ATF7IP2: variants seen among roughly 807,000 people sequenced by gnomAD.
The protein encoded by ATF7IP2 is activating transcription factor 7 interacting protein 2.
In ATF7IP2, 42 loss-of-function variants were observed where a neutral mutation model predicts 64.2. The ratio of observed to expected loss-of-function variants is 0.65; its 90% CI spans 0.51 to 0.85. The LOEUF is 0.85. Among genes scored for constraint, ATF7IP2 ranks in the 40% least tolerant of loss-of-function variants. ATF7IP2 has a pLI of 0.00. For synonymous variants in ATF7IP2, 308 were observed against 272.8 expected (o/e 1.13, Z -1.27); for missense variants, 933 against 784.2 (o/e 1.19, Z -2.27).
intron 3 of ATF7IP2, among the ~76,000 whole-genome samples, chr16:10,424,370 C>A (rs1002253798): frequency 1.3e-5 from 2 of 152,138 alleles, no homozygotes; most frequent in African/African-American, 2.4e-5. Flanking sequence ...CAAAACTTAA[C>A]TGAAAATGGA....
intron 1 of ATF7IP2, among the ~76,000 whole-genome samples, chr16:10,394,146 G>A (rs934946062): frequency 1.3e-5 from 2 of 152,182 alleles, no homozygotes; most frequent in Non-Finnish European, 2.9e-5. Flanking sequence ...CTGTTTACAG[G>A]AGACAGACTT....
At chr16:10,435,245 G>A (rs1048896687) in intron 6 of ATF7IP2, among the ~76,000 whole-genome samples, 1 of 152,168 alleles carries the variant, frequency 6.6e-6, no homozygotes, top group Non-Finnish European at 1.5e-5. Flanking sequence ...AAGGAGTCCT[G>A]CAGTGATCAT....
chr16:10,466,497 A>G (rs969094909), intron 9 of ATF7IP2, among the ~76,000 whole-genome samples: 6 of 152,078 alleles, frequency 3.9e-5, no homozygotes, highest in Non-Finnish European at 7.4e-5. Flanking sequence ...CTATAAGTAC[A>G]TGAGATTTTT....
intron 6 of ATF7IP2, among the ~76,000 whole-genome samples, chr16:10,434,940 T>A (rs978806164): frequency 1.3e-5 from 2 of 152,158 alleles, no homozygotes; most frequent in Non-Finnish European, 1.5e-5. Context: ...TAACTTTTTG[T>A]GTGTATTTTT....
In ATF7IP2 at chr16:10,482,445, A is replaced by ATAAG. The variant is rs1555455305; in HGVS notation, c.*198_*201dup. ...TGTATTAAATATGTCCTTCCAATGGATAAGTTCTAAAACATACGCTATCAT... is the reference window on the plus strand; with the variant it reads ...TGTATTAAATATGTCCTTCCAATGGATAAGTAAGTTCTAAAACATACGCTATCAT... On this transcript the variant is annotated 3_prime_UTR_variant, in exon 14 of 14. Coordinates refer to ENST00000562102, the MANE Select transcript of ATF7IP2 (RefSeq NM_001393719.1). 6.1e-6 allele frequency: 3 copies of ATAAG among 489,522 alleles called. No homozygotes were observed. The Admixed American group carries it at 1.2e-4, about 19-fold the overall frequency. The allele number at this position is 489,522 out of a possible 1,614,324, so 30.3% of individuals were successfully genotyped here.
At chr16:10,420,772 A>G (rs559428626) in intron 3 of ATF7IP2, among the ~76,000 whole-genome samples, 83 of 152,366 alleles carry the variant, frequency 5.4e-4, no homozygotes, top group Non-Finnish European at 9.6e-4. Flanking sequence ...AGAATCAGAA[A>G]TCACATTAAT....
chr16:10,448,157 C>T (rs1167540671), intron 8 of ATF7IP2: 1 of 152,188 alleles, frequency 6.6e-6, no homozygotes, highest in Non-Finnish European at 1.5e-5. Context: ...CAGTACCATG[C>T]TGTTTTGGTT....
chr16:10,404,209 A>G (rs1174983351), intron 1 of ATF7IP2, among the ~76,000 whole-genome samples: 1 of 152,200 alleles, frequency 6.6e-6, no homozygotes, highest in African/African-American at 2.4e-5. Flanking sequence ...AATCACCTAT[A>G]AAAGAAACTT....
At position 10,440,380 on chromosome 16, in the gene ATF7IP2, T is replaced by C; in HGVS notation, c.1112T>C (p.Leu371Pro). ...TTCTTCTAGGCAAAAATAGCAAAAC[T>C]TCAAAGACGTATTAAAACAGTATTA... ...ADKLLAKIAK[L>P]QRRIKTVLLF... The change falls in exon 8 of 14, where the codon CTT (leucine) becomes CCT (proline). Residue 371 changes from leucine to proline, a missense_variant. Leu to Pro is a moderately conservative substitution (Grantham distance 98). Coordinates refer to ENST00000562102, the MANE Select transcript of ATF7IP2 (RefSeq NM_001393719.1). The C allele has an allele frequency of 6.4e-7, 1 of 1,552,082 alleles. No homozygotes were observed. The highest frequency in any genetic ancestry group is 8.7e-7 in the Non-Finnish European group (1 of 1,152,610).
intron 8 of ATF7IP2, among the ~76,000 whole-genome samples, chr16:10,441,610 G>A (rs2048625423): frequency 6.6e-6 from 1 of 151,960 alleles, no homozygotes; most frequent in Non-Finnish European, 1.5e-5. Flanking sequence ...TTTTTTTCTT[G>A]TAAATTTAAG....
At chr16:10,472,607 G>T (rs1248127968) in intron 10 of ATF7IP2, among the ~76,000 whole-genome samples, 1 of 152,070 alleles carries the variant, frequency 6.6e-6, no homozygotes, top group Admixed American at 6.5e-5. Flanking sequence ...TGTAATCCAA[G>T]CACTTTGGGA....
Position 10,482,300 on chromosome 16 carries a change from C to T in ATF7IP2, c.*51C>T, listed in dbSNP as rs935674813. The T allele has an allele frequency of 8.8e-6, 12 of 1,362,640 alleles. No individual in the cohort carries two copies. The highest frequency in any genetic ancestry group is 1.5e-5 in the African/African-American group (1 of 68,488). 84.4% of individuals were successfully genotyped at this position (1,362,640 alleles called of 1,614,324 possible). A position where few individuals can be genotyped will look rare whatever the true frequency, so the allele number is the denominator to read the frequency against. On this transcript the variant is annotated 3_prime_UTR_variant, in exon 14 of 14. Transcript: ENST00000562102. ...TTTTTTTTTCATATTTGTTTGTTTG[C>T]AATGTTACTGTAATACTATTTGCCA...
intron 1 of ATF7IP2, among the ~76,000 whole-genome samples, chr16:10,390,994 C>T (rs866889920): frequency 3.1e-4 from 47 of 150,500 alleles, no homozygotes; most frequent in African/African-American, 1.1e-3. Context: ...GAGACCCCAT[C>T]GCTATGAAAA....
At chr16:10,440,298 C>T in intron 7 of ATF7IP2, 66 bp from the exon 8 acceptor site, 1 of 718,142 alleles carries the variant, frequency 1.4e-6, no homozygotes, top group Non-Finnish European at 2.2e-6. Context: ...AAATAATTTA[C>T]CCTCTATCTC....
chr16:10,435,052 G>A (rs1474230901), intron 6 of ATF7IP2, among the ~76,000 whole-genome samples: 1 of 152,186 alleles, frequency 6.6e-6, no homozygotes, highest in African/African-American at 2.4e-5. Flanking sequence ...ACAGGTGTGA[G>A]CCACCGCGCC....
intron 1 of ATF7IP2, among the ~76,000 whole-genome samples, chr16:10,411,370 T>TTG (rs2047755873): frequency 1.4e-5 from 2 of 141,066 alleles, no homozygotes; most frequent in East Asian, 2.1e-4. Context: ...TTTTTGGTGT[T>TTG]TTGTTGTTGT....
chr16:10,398,303 CA>C (rs370158117), intron 1 of ATF7IP2, among the ~76,000 whole-genome samples: 36 of 134,212 alleles, frequency 2.7e-4, no homozygotes, highest in Admixed American at 9.1e-4. Flanking sequence ...GACTCCATCT[CA>C]AAAAAAAAAA....
intron 8 of ATF7IP2, chr16:10,446,000 A>G (rs922600606): frequency 2.0e-4 from 30 of 152,224 alleles, no homozygotes; most frequent in African/African-American, 6.5e-4. Flanking sequence ...AACAATTCAC[A>G]TGTTTGGGCA....
At chr16:10,393,198 T>C (rs1350835540) in intron 1 of ATF7IP2, among the ~76,000 whole-genome samples, 1 of 151,194 alleles carries the variant, frequency 6.6e-6, no homozygotes, top group African/African-American at 2.4e-5. Flanking sequence ...TAATCCCAGC[T>C]ACTTGGGAGG....
Sources: gnomAD v4.1 joint callset for allele counts (sites outside exome capture counted in the v4.1 genomes callset) on GRCh38, gnomAD v4.1.1 for gene constraint, MANE v1.5 for transcripts, NCBI Gene and HGNC (gene_info 2026-07-23, HGNC 2026-07-21) for gene names.